The following SNTB1 variants were observed in gnomAD, a reference collection of about 807,000 sequenced individuals.
SNTB1 encodes the protein syntrophin beta 1, also known as beta-1-syntrophin.
Under a neutral mutation model 48.9 loss-of-function variants are expected in SNTB1, and 36 were observed. That is an observed-to-expected ratio of 0.74 (90% CI 0.56 to 0.97). The LOEUF (loss-of-function observed/expected upper bound fraction) is 0.97, where lower values mean the gene tolerates loss of function less well. Among genes scored for constraint, SNTB1 ranks in the 50% least tolerant of loss-of-function variants. SNTB1 has a pLI of 0.00. For synonymous variants in SNTB1, 299 were observed against 294.6 expected (o/e 1.01, Z -0.15); for missense variants, 786 against 703.4 (o/e 1.12, Z -1.33).
intron 1 of SNTB1, among the ~76,000 whole-genome samples, chr8:120,797,639 T>A (rs964287877): frequency 6.8e-6 from 1 of 146,252 alleles, no homozygotes; most frequent in Non-Finnish European, 1.5e-5. Flanking sequence ...TTTTGCTCAG[T>A]TCACTGAAGT....
chr8:120,773,757 G>C (rs1819681134), intron 1 of SNTB1, among the ~76,000 whole-genome samples: 1 of 152,180 alleles, frequency 6.6e-6, no homozygotes, highest in Non-Finnish European at 1.5e-5. Flanking sequence ...ACCCTATCAA[G>C]TAGGTACTAT....
intron 1 of SNTB1, among the ~76,000 whole-genome samples, chr8:120,719,124 G>T (rs983444243): frequency 6.6e-6 from 1 of 152,190 alleles, no homozygotes; most frequent in African/African-American, 2.4e-5. Flanking sequence ...AGGATGCAAA[G>T]TATTGATCCT....
intron 1 of SNTB1, among the ~76,000 whole-genome samples, chr8:120,702,259 G>C (rs931478676): frequency 6.6e-6 from 1 of 152,120 alleles, no homozygotes; most frequent in African/African-American, 2.4e-5. Flanking sequence ...ATAGGGCATT[G>C]CTCAGAAAGT....
intron 3 of SNTB1, among the ~76,000 whole-genome samples, chr8:120,579,483 C>G (rs1010143545): frequency 6.6e-6 from 1 of 152,160 alleles, no homozygotes; most frequent in African/African-American, 2.4e-5. Flanking sequence ...TCAAGACCAG[C>G]CTGGCCAACA....
intron 3 of SNTB1, among the ~76,000 whole-genome samples, chr8:120,605,842 G>T (rs1199803992): frequency 6.6e-6 from 1 of 152,150 alleles, no homozygotes; most frequent in African/African-American, 2.4e-5. Context: ...ATCTTTAAGT[G>T]AATGATGAAA....
chr8:120,653,271 C>G (rs1015760334), intron 2 of SNTB1, among the ~76,000 whole-genome samples: 1 of 152,034 alleles, frequency 6.6e-6, no homozygotes, highest in Admixed American at 6.6e-5. Flanking sequence ...AGGGTGGGTC[C>G]TAAATCCAAT....
chr8:120,650,036 TG>T (rs1170797726), intron 2 of SNTB1, among the ~76,000 whole-genome samples: 1 of 152,108 alleles, frequency 6.6e-6, no homozygotes, highest in Non-Finnish European at 1.5e-5. Flanking sequence ...TCGCGCACGG[TG>T]CACGCACCCA....
At chr8:120,562,646 T>C (rs1815679274) in intron 4 of SNTB1, among the ~76,000 whole-genome samples, 1 of 152,172 alleles carries the variant, frequency 6.6e-6, no homozygotes. Flanking sequence ...CCTCCCAGGG[T>C]TAGCATGGAA....
chr8:120,597,029 C>T (rs182510662), intron 3 of SNTB1, among the ~76,000 whole-genome samples: 11 of 152,224 alleles, frequency 7.2e-5, no homozygotes, highest in Admixed American at 6.5e-4. Context: ...GCAGAGGTCT[C>T]GAGATAGGGA....
At chr8:120,642,237 G>C (rs1587056045) in intron 2 of SNTB1, among the ~76,000 whole-genome samples, 1 of 152,226 alleles carries the variant, frequency 6.6e-6, no homozygotes, top group African/African-American at 2.4e-5. Flanking sequence ...TTCAGAGAAA[G>C]AATACAAAAG....
At chr8:120,758,531 T>C (rs1386447969) in intron 1 of SNTB1, among the ~76,000 whole-genome samples, 1 of 152,212 alleles carries the variant, frequency 6.6e-6, no homozygotes. Context: ...TGCTTCACTA[T>C]TTCTCCAGCT....
chr8:120,615,488 G>A (rs1374267832), intron 3 of SNTB1, among the ~76,000 whole-genome samples: 1 of 152,136 alleles, frequency 6.6e-6, no homozygotes, highest in Non-Finnish European at 1.5e-5. Flanking sequence ...TAAAAACTGA[G>A]GGGAGGAAAA....
At chr8:120,674,053 A>G (rs4360333) in intron 2 of SNTB1, among the ~76,000 whole-genome samples, 44,080 of 152,120 alleles carry the variant, frequency 0.29, 7,429 homozygotes, top group Admixed American at 0.37. Flanking sequence ...TGTTATACTG[A>G]CCGAGGCAAT....
intron 1 of SNTB1, among the ~76,000 whole-genome samples, chr8:120,766,375 A>G (rs1007791078): frequency 1.3e-5 from 2 of 152,314 alleles, no homozygotes; most frequent in Non-Finnish European, 2.9e-5. Flanking sequence ...CCACCAATTT[A>G]TCTTTGTATT....
Position 120,811,393 on chromosome 8 carries a change from T to C in SNTB1, c.451A>G (p.Thr151Ala). 1.9e-6 allele frequency: 3 copies of C among 1,613,964 alleles called. No individual in the cohort carries two copies. Among genetic ancestry groups the C allele is most frequent in the Non-Finnish European group, 2.5e-6 (3 of 1,179,934 alleles). The change falls in exon 1 of 7, where the codon ACC (threonine) becomes GCC (alanine). Residue 151 changes from threonine to alanine, a missense_variant. Transcript: ENST00000517992. ...GCGTCGCCCACGTACAGGGCTTGGG[T>C]CTGGTCCGCCGCCAGCCCCTTGAAG... ...KIFKGLAADQTQALYVGDAIL... is the reference protein window; with the variant it reads ...KIFKGLAADQAQALYVGDAIL...
intron 1 of SNTB1, 128 bp downstream of exon 1, chr8:120,811,145 C>T (rs1820420438): frequency 3.8e-6 from 4 of 1,043,706 alleles, no homozygotes; most frequent in East Asian, 6.2e-5. Context: ...CCCCCCCCAA[C>T]ACACACACAC....
At chr8:120,671,760 A>G (rs899813079) in intron 2 of SNTB1, among the ~76,000 whole-genome samples, 1 of 152,222 alleles carries the variant, frequency 6.6e-6, no homozygotes, top group African/African-American at 2.4e-5. Flanking sequence ...AAGATTGGGG[A>G]AATAATTACT....
intron 3 of SNTB1, among the ~76,000 whole-genome samples, chr8:120,620,058 A>G (rs1011111521): frequency 6.6e-6 from 1 of 152,200 alleles, no homozygotes; most frequent in African/African-American, 2.4e-5. Context: ...ACTCATTTTT[A>G]TTGCACTTAA....
chr8:120,585,945 C>T (rs1254623968), intron 3 of SNTB1, among the ~76,000 whole-genome samples: 1 of 152,188 alleles, frequency 6.6e-6, no homozygotes, highest in African/African-American at 2.4e-5. Context: ...CCAAACTTTT[C>T]GAGATATTTG....
Sources: gnomAD v4.1 joint callset for allele counts (sites outside exome capture counted in the v4.1 genomes callset) on GRCh38, gnomAD v4.1.1 for gene constraint, MANE v1.5 for transcripts, NCBI Gene and HGNC (gene_info 2026-07-23, HGNC 2026-07-21) for gene names.